Variants in MCF2L observed in about 807,000 individuals in gnomAD.
MCF2L encodes guanine nucleotide exchange factor DBS.
MCF2L carries 97 observed loss-of-function variants against 153.4 expected under a neutral mutation model. That is an observed-to-expected ratio of 0.63 (90% CI 0.54 to 0.75). The LOEUF is 0.75. Among genes scored for constraint, MCF2L ranks in the 30% least tolerant of loss-of-function variants. The pLI is 0.00. For missense variants in MCF2L, 1,347 were observed against 1,495.2 expected (o/e 0.90, Z 1.64); for synonymous variants, 659 against 632.2 (o/e 1.04, Z -0.64).
At chr13:112,933,860 C>T (rs1002549542) in intron 2 of MCF2L, among the ~76,000 whole-genome samples, 9 of 152,340 alleles carry the variant, frequency 5.9e-5, no homozygotes, top group East Asian at 5.8e-4. Context: ...TTAACAGATG[C>T]CTGCAGGAGG....
intron 1 of MCF2L, chr13:112,979,227 C>T: frequency 4.4e-6 from 3 of 681,160 alleles, no homozygotes; most frequent in Non-Finnish European, 5.5e-6. Flanking sequence ...CTTCCTGAGG[C>T]CTGGAAGGTG....
intron 2 of MCF2L, among the ~76,000 whole-genome samples, chr13:112,937,178 C>A (rs1003933765): frequency 6.6e-6 from 1 of 152,112 alleles, no homozygotes; most frequent in South Asian, 2.1e-4. Flanking sequence ...CTCAGCCTCC[C>A]GAGTAGCTGC....
intron 1 of MCF2L, among the ~76,000 whole-genome samples, chr13:113,013,277 A>G (rs1423254829): frequency 6.6e-6 from 1 of 152,166 alleles, no homozygotes. Context: ...GCCATCGCCG[A>G]GACGTGGTTG....
intron 2 of MCF2L, among the ~76,000 whole-genome samples, chr13:112,937,913 TTGGTTGGTTCATTCAGGTGATCTCTGAG>T (rs2140652243): frequency 1.1e-5 from 1 of 92,990 alleles, no homozygotes; most frequent in East Asian, 3.4e-4. Flanking sequence ...TGAGCTCTGA[TTGGTTGGTTCATTCAGGTGATCTCTGAG>T]TGGTTGGTTT....
At chr13:113,063,805 C>T (rs1013226133) in intron 5 of MCF2L, 15 of 438,902 alleles carry the variant, frequency 3.4e-5, no homozygotes, top group African/African-American at 2.6e-4. Context: ...CGGACACACA[C>T]GTGTCAACAA....
In MCF2L at chr13:112,951,787, G is replaced by A. The variant is rs1246858188; in HGVS notation, c.169+49416G>A. Among the ~76,000 whole-genome samples, 1 of 152,108 alleles carries A rather than the reference G, an allele frequency of 6.6e-6. No individual in the cohort carries two copies. The highest frequency in any genetic ancestry group is 1.5e-5 in the Non-Finnish European group (1 of 68,036). ...TGGCTGCAGTCGTGTGCTGTAGTTT[G>A]GCAGGATGCTACCCCTGGAGGAAAA... is the stretch of plus-strand genomic sequence containing the variant. On this transcript the variant is annotated intron_variant, in intron 2 of 29. Coordinates refer to the MCF2L transcript ENST00000375608. This position sits in a 1 kb window ranked among gnomAD's most constrained non-coding sequence, Gnocchi z 4.8.
At chr13:112,917,199 C>CG in intron 2 of MCF2L, 1 of 470,832 alleles carries the variant, frequency 2.1e-6, no homozygotes, top group Non-Finnish European at 4.4e-6. Flanking sequence ...ACCCCTCCCC[C>CG]GGGCACTGCA....
intron 4 of MCF2L, among the ~76,000 whole-genome samples, chr13:113,058,704 G>A (rs556529161): frequency 1.7e-4 from 25 of 144,750 alleles, no homozygotes; most frequent in East Asian, 4.3e-4. Flanking sequence ...CTGAATGGGC[G>A]CTGTTTGGGC....
intron 3 of MCF2L, among the ~76,000 whole-genome samples, chr13:113,034,677 T>C (rs1371639102): frequency 6.7e-6 from 1 of 150,366 alleles, no homozygotes; most frequent in Non-Finnish European, 1.5e-5. Context: ...CTCACCCTGG[T>C]CTCACCCTCA....
rs142012798 is a variant in MCF2L at position 112,905,147 on chromosome 13, C to T, written c.169+2776C>T. 5.5e-3 allele frequency among the ~76,000 whole-genome samples: 837 copies of T among 152,300 alleles called. 4 individuals carry two copies. The highest frequency in any genetic ancestry group is 9.3e-3 in the Non-Finnish European group (631 of 68,014). On this transcript the variant is annotated intron_variant, in intron 2 of 29. Transcript: ENST00000375608. ...ACGAGCACGTAAATAAAGGATTTCT[C>T]AACAAGGCAAATTTACTTCTGCAGA...
intron 1 of MCF2L, among the ~76,000 whole-genome samples, chr13:112,984,048 G>C (rs2082537263): frequency 6.6e-6 from 1 of 152,166 alleles, no homozygotes. Flanking sequence ...CCGGTGCCAG[G>C]GTTGTCCATC....
upstream of MCF2L, among the ~76,000 whole-genome samples, chr13:112,967,203 G>A (rs1457691975): frequency 6.6e-6 from 1 of 152,072 alleles, no homozygotes; most frequent in African/African-American, 2.4e-5. Context: ...GGGGGATGGG[G>A]AGTGGTGAAG....
rs76349176 is a variant in MCF2L, at chr13:113,064,638, CA to C, written c.606+234del. On this transcript the variant is annotated intron_variant, in intron 6 of 29. Coordinates refer to ENST00000535094, the MANE Select transcript of MCF2L (RefSeq NM_001112732.3). This position sits in a 1 kb window ranked among gnomAD's most constrained non-coding sequence, Gnocchi z 6.0. ...AGTGGCTTTCTCTGGGCTTGGAGAC[CA>C]AAAAAAAAAAAAAAACCCTTGCGTT... 0.19 allele frequency: 83,447 copies of C among 447,528 alleles called. 75 individuals are homozygous for C. The highest frequency in any genetic ancestry group is 0.22 in the Middle Eastern group (374 of 1,702). The allele number at this position is 447,528 out of a possible 1,614,324, so 27.7% of individuals were successfully genotyped here. A position where few individuals can be genotyped will look rare whatever the true frequency, so the allele number is the denominator to read the frequency against.
At chr13:112,972,761 A>ATGAATAGGT (rs2082087877) in intron 1 of MCF2L, among the ~76,000 whole-genome samples, 2 of 1,588 alleles carry the variant, frequency 1.3e-3, no homozygotes, top group Non-Finnish European at 2.2e-3. Flanking sequence ...GGATGGATGG[A>ATGAATAGGT]GGGAGGGAGG....
intron 3 of MCF2L, chr13:113,044,095 G>A (rs2086659873): frequency 1.3e-5 from 2 of 159,672 alleles, no homozygotes; most frequent in South Asian, 1.8e-4. Flanking sequence ...AAATGGAGTC[G>A]CTGACTCGCC....
chr13:113,052,754 C>CGTGTGT (rs138387877), intron 4 of MCF2L: 10 of 151,308 alleles, frequency 6.6e-5, no homozygotes, highest in Admixed American at 6.6e-4. Context: ...AGTGCCCATT[C>CGTGTGT]GTGTGTGTGT....
In MCF2L at chr13:113,084,081, T is replaced by C; in HGVS notation, c.2061+14T>C. The C allele has an allele frequency of 1.9e-6, 3 of 1,610,004 alleles. No individual in the cohort carries two copies. The highest frequency in any genetic ancestry group is 2.2e-5 in the East Asian group (1 of 44,864). On this transcript the variant is annotated intron_variant, in intron 18 of 29. Transcript: ENST00000535094. ...TTTCTGGAGAGGGTAGGTGGTGTTT[T>C]GACGTGTATTTTGTCACAACTTCTT... is the stretch of plus-strand genomic sequence containing the variant.
At chr13:113,081,118 C>A (rs1190843377) in intron 15 of MCF2L, 95 bp from the exon 16 acceptor site, 1 of 1,050,068 alleles carries the variant, frequency 9.5e-7, no homozygotes, top group Non-Finnish European at 1.4e-6. Flanking sequence ...GCTGGGCAGG[C>A]CATCATTCTA....
rs763450173 is a variant in MCF2L at position 113,024,701 on chromosome 13, G to T, written c.221G>T (p.Ser74Ile). ...ACCTTCCCTGACTACCCGGCCTTCA[G>T]CGAGATTCCGGACAAGGAGTTCCAG... Reference protein sequence around the residue: ...VITFPDYPAFSEIPDKEFQNV... With the variant: ...VITFPDYPAFIEIPDKEFQNV... The change falls in exon 3 of 30, where the codon AGC becomes ATC. Residue 74 changes from serine (S) to isoleucine (I), a missense_variant. Physicochemically the swap from Ser to Ile is moderately radical, Grantham distance 142. This residue lies in a region of MCF2L where 820 missense variants were observed against 921.2 expected (regional missense o/e 0.89). Transcript: ENST00000535094. The T allele has an allele frequency of 1.2e-6, 2 of 1,614,110 alleles. No homozygotes were observed. Among genetic ancestry groups the T allele is most frequent in the Admixed American group, 3.3e-5 (2 of 60,014 alleles).
Sources: gnomAD v4.1 joint callset for allele counts (sites outside exome capture counted in the v4.1 genomes callset) on GRCh38, gnomAD v4.1.1 for gene constraint, gnomAD v4.1.1 regional missense constraint, Gnocchi (gnomAD v3.1) non-coding constraint, MANE v1.5 for transcripts, NCBI Gene and HGNC (gene_info 2026-07-23, HGNC 2026-07-21) for gene names.